EYS: variants seen among roughly 807,000 people sequenced by gnomAD.
The protein encoded by EYS is protein eyes shut homolog.
A neutral mutation model predicts 282.1 loss-of-function variants in EYS; 250 were observed. The ratio of observed to expected loss-of-function variants is 0.89; its 90% CI spans 0.80 to 0.98. EYS has a LOEUF of 0.98. EYS is among the 50% of genes least tolerant of loss of function. EYS has a pLI of 0.00. For synonymous variants in EYS, 1,355 were observed against 1,282.9 expected (o/e 1.06, Z -1.20); for missense variants, 4,016 against 3,709.0 (o/e 1.08, Z -2.15).
chr6:64,792,828 A>G (rs1774232674), intron 22 of EYS, among the ~76,000 whole-genome samples: 2 of 117,676 alleles, frequency 1.7e-5, no homozygotes, highest in South Asian at 5.4e-4. Context: ...TCAAAGTCAT[A>G]ATTGTTTTAA....
At chr6:64,997,759 A>G in intron 13 of EYS, 56 bp from the exon 14 acceptor site, 2 of 1,471,800 alleles carry the variant, frequency 1.4e-6, no homozygotes, top group Non-Finnish European at 1.8e-6. Context: ...TAGTACAGGT[A>G]ATTATAATTA....
In EYS at chr6:64,477,591, C is replaced by T. The variant is rs868524779; in HGVS notation, c.5645-38239G>A. ...CCTGACCCACGGCCACCCTTTTATT[C>T]ACTGCTGTTGTGTCAAAGGAGATGT... On this transcript the variant is annotated intron_variant, in intron 26 of 42. Transcript: ENST00000503581. Among the ~76,000 whole-genome samples, 5 of 152,188 alleles carry T rather than the reference C, an allele frequency of 3.3e-5. No individual in the cohort carries two copies. The East Asian group carries it at 5.8e-4, about 18-fold the overall frequency.
intron 1 of EYS, among the ~76,000 whole-genome samples, chr6:65,661,407 T>G (rs1024462193): frequency 6.6e-6 from 1 of 152,020 alleles, no homozygotes; most frequent in African/African-American, 2.4e-5. Flanking sequence ...AAAGATTATA[T>G]AAATTTAAAC....
chr6:64,757,744 TTGTG>T (rs66825340), intron 22 of EYS, among the ~76,000 whole-genome samples: 15,126 of 139,692 alleles, frequency 0.11, 897 homozygotes, highest in African/African-American at 0.16. Context: ...CTTTTTTTCT[TTGTG>T]TGTGTGTGTG....
chr6:65,285,255 G>C (rs1000487442), intron 12 of EYS, among the ~76,000 whole-genome samples: 1 of 151,830 alleles, frequency 6.6e-6, no homozygotes, highest in Non-Finnish European at 1.5e-5. Flanking sequence ...ATTGTATTTT[G>C]CAGCTATTTT....
At chr6:64,681,147 A>T (rs62418022) in intron 22 of EYS, among the ~76,000 whole-genome samples, 11,214 of 152,228 alleles carry the variant, frequency 0.074, 532 homozygotes, top group East Asian at 0.15. Context: ...AGTTTATCTC[A>T]GAATTACTGT....
Position 63,864,365 on chromosome 6 carries a change from A to C in EYS, c.7056-7T>G. The C allele has an allele frequency of 6.5e-7, 1 of 1,548,392 alleles. No individual in the cohort carries two copies. Among genetic ancestry groups the C allele is most frequent in the South Asian group, 1.2e-5 (1 of 83,622 alleles). On this transcript the variant is annotated splice_region_variant and splice_polypyrimidine_tract_variant and intron_variant, in intron 35 of 42. Coordinates refer to ENST00000503581, the MANE Select transcript of EYS (RefSeq NM_001142800.2). Reference sequence around the variant, plus strand: ...AAACAGATTTTCATTATCACTGAGAAGGGAAAAAATTTAAAAATTCATTAG... The same window carrying C: ...AAACAGATTTTCATTATCACTGAGACGGGAAAAAATTTAAAAATTCATTAG...
At chr6:63,739,237 G>T (rs1419676531) in intron 41 of EYS, among the ~76,000 whole-genome samples, 1 of 152,142 alleles carries the variant, frequency 6.6e-6, no homozygotes, top group Non-Finnish European at 1.5e-5. Flanking sequence ...TCTAGAAGCA[G>T]ACTCTGGGAT....
intron 26 of EYS, among the ~76,000 whole-genome samples, chr6:64,550,592 T>C (rs1325458993): frequency 6.6e-6 from 1 of 152,152 alleles, no homozygotes; most frequent in African/African-American, 2.4e-5. Context: ...TTCAACATAA[T>C]GTTGGAAGTT....
intron 26 of EYS, among the ~76,000 whole-genome samples, chr6:64,470,465 A>C (rs1776089304): frequency 6.6e-6 from 1 of 152,232 alleles, no homozygotes; most frequent in Non-Finnish European, 1.5e-5. Flanking sequence ...TCATTGAATG[A>C]AATGAAAAAT....
chr6:64,309,714 CCCAGCA>C (rs1212777534), intron 29 of EYS, among the ~76,000 whole-genome samples: 2 of 152,068 alleles, frequency 1.3e-5, no homozygotes, highest in African/African-American at 2.4e-5. Flanking sequence ...TGCCTGTAAT[CCCAGCA>C]CTTTGGGAGG....
chr6:65,241,493 T>C (rs147111768), intron 12 of EYS, among the ~76,000 whole-genome samples: 2 of 152,128 alleles, frequency 1.3e-5, no homozygotes, highest in Admixed American at 6.5e-5. Context: ...CCCACTTTTT[T>C]AAAATCAAGA....
At chr6:63,848,057 G>A (rs1772145151) in intron 36 of EYS, among the ~76,000 whole-genome samples, 1 of 152,080 alleles carries the variant, frequency 6.6e-6, no homozygotes, top group Admixed American at 6.5e-5. Context: ...AGTAAAAGTG[G>A]TTTCTGCTTG....
At chr6:63,955,719 TAAA>T in intron 35 of EYS, among the ~76,000 whole-genome samples, 1 of 151,396 alleles carries the variant, frequency 6.6e-6, no homozygotes. Context: ...TATGACAACA[TAAA>T]AAAAAACTCA....
intron 11 of EYS, among the ~76,000 whole-genome samples, chr6:65,302,258 A>T (rs1187409889): frequency 6.6e-6 from 1 of 151,694 alleles, no homozygotes; most frequent in South Asian, 2.1e-4. Context: ...TGTGAGGAGG[A>T]AAATTTTTTC....
chr6:65,213,186 T>C (rs1766217147), intron 12 of EYS, among the ~76,000 whole-genome samples: 1 of 152,136 alleles, frequency 6.6e-6, no homozygotes, highest in Admixed American at 6.5e-5. Context: ...AATTTTGAGA[T>C]GGAGAGGGTG....
At chr6:64,410,686 C>A (rs1404157485) in intron 28 of EYS, among the ~76,000 whole-genome samples, 3 of 152,070 alleles carry the variant, frequency 2.0e-5, no homozygotes, top group Non-Finnish European at 2.9e-5. Context: ...ATGAAAAATT[C>A]TGTCTTTGTC....
chr6:65,193,365 T>G (rs1765687150), intron 12 of EYS, among the ~76,000 whole-genome samples: 1 of 151,844 alleles, frequency 6.6e-6, no homozygotes, highest in African/African-American at 2.4e-5. Context: ...TTTGTAACCC[T>G]GAAAATTACT....
chr6:64,656,627 TC>T (rs1263323835), intron 22 of EYS, among the ~76,000 whole-genome samples: 1 of 152,130 alleles, frequency 6.6e-6, no homozygotes, highest in African/African-American at 2.4e-5. Flanking sequence ...GAAACTCTGA[TC>T]AACCGTAAAA....
Sources: gnomAD v4.1 joint callset for allele counts (sites outside exome capture counted in the v4.1 genomes callset) on GRCh38, gnomAD v4.1.1 for gene constraint, MANE v1.5 for transcripts, NCBI Gene and HGNC (gene_info 2026-07-23, HGNC 2026-07-21) for gene names.